The following ANKRD11 variants were observed in gnomAD, a reference collection of about 807,000 sequenced individuals.
ANKRD11 encodes ankyrin repeat domain-containing protein 11.
Under a neutral mutation model 195.7 loss-of-function variants are expected in ANKRD11, and 17 were observed. That is an observed-to-expected ratio of 0.09 (90% confidence interval 0.06 to 0.13). The LOEUF (loss-of-function observed/expected upper bound fraction) is 0.13. Ranked by LOEUF, ANKRD11 falls within the 10% of genes least tolerant of loss-of-function variation. The probability of loss-of-function intolerance (pLI) is 1.00; values close to 1 mark genes in which losing one functional copy is unlikely to be tolerated. For missense variants in ANKRD11, 3,735 were observed against 3,566.1 expected (o/e 1.05, Z -1.21); for synonymous variants, 1,953 against 1,528.1 (o/e 1.28, Z -6.49).
chr16:89,305,890 G>C (rs76289802), intron 3 of ANKRD11, among the ~76,000 whole-genome samples: 1 of 15,166 alleles, frequency 6.6e-5, no homozygotes, highest in Non-Finnish European at 1.4e-4. Context: ...CTCCCACTCC[G>C]CAGACACGTG....
intron 2 of ANKRD11, among the ~76,000 whole-genome samples, chr16:89,340,603 T>C (rs531451404): frequency 6.6e-6 from 1 of 152,366 alleles, no homozygotes; most frequent in South Asian, 2.1e-4. Context: ...CAAGAGATCT[T>C]GGTTAGACAA....
In ANKRD11 at chr16:89,473,499, C is replaced by CT. The variant is rs554065733; in HGVS notation, c.-145+16745dup. Among the ~76,000 whole-genome samples, 42 of 152,316 alleles carry CT rather than the reference C, an allele frequency of 2.8e-4. 1 individual carries two copies. The East Asian group carries it at 5.0e-3, about 18-fold the overall frequency. Reference sequence around the variant, plus strand: ...AAATGCAAGGCATAGGGCAAACAGCCTGATAGTACCAGGGCAAGCCCAAGT... The same window carrying CT: ...AAATGCAAGGCATAGGGCAAACAGCCTTGATAGTACCAGGGCAAGCCCAAGT... On this transcript the variant is annotated intron_variant, in intron 1 of 12. Coordinates refer to ENST00000301030, the MANE Select transcript of ANKRD11 (RefSeq NM_013275.6).
chr16:89,308,774 TG>T (rs2036443743), intron 3 of ANKRD11, among the ~76,000 whole-genome samples: 1 of 152,002 alleles, frequency 6.6e-6, no homozygotes, highest in African/African-American at 2.4e-5. Context: ...AGAATACAAA[TG>T]GAATACCGCA....
intron 1 of ANKRD11, among the ~76,000 whole-genome samples, chr16:89,447,038 G>A (rs1192092023): frequency 6.6e-6 from 1 of 151,980 alleles, no homozygotes; most frequent in Non-Finnish European, 1.5e-5. Context: ...CCAACTGAAT[G>A]CCTGCCATCC....
chr16:89,487,258 C>G (rs945681250), intron 1 of ANKRD11, among the ~76,000 whole-genome samples: 1 of 152,306 alleles, frequency 6.6e-6, no homozygotes, highest in East Asian at 1.9e-4. Flanking sequence ...GAGACACTCA[C>G]CCATTACACT....
At chr16:89,302,656 G>A (rs1050617515) in intron 4 of ANKRD11, among the ~76,000 whole-genome samples, 1 of 152,132 alleles carries the variant, frequency 6.6e-6, no homozygotes, top group Admixed American at 6.5e-5. Context: ...ATCTAGTTTT[G>A]CAACATTAAA....
chr16:89,382,252 G>C (rs949317311), intron 2 of ANKRD11, among the ~76,000 whole-genome samples: 1 of 152,014 alleles, frequency 6.6e-6, no homozygotes, highest in Non-Finnish European at 1.5e-5. Context: ...AAAGTTAAAA[G>C]GTGTCTAGAA....
chr16:89,489,658 C>T (rs1449935295), intron 1 of ANKRD11, among the ~76,000 whole-genome samples: 6 of 151,918 alleles, frequency 3.9e-5, no homozygotes, highest in African/African-American at 7.2e-5. Context: ...GCCCCAGCTC[C>T]GCAGAACCCG....
At chr16:89,403,836 G>C (rs867499085) in intron 2 of ANKRD11, 1 of 152,194 alleles carries the variant, frequency 6.6e-6, no homozygotes, top group African/African-American at 2.4e-5. Flanking sequence ...GGAAGGCTGA[G>C]GAAGGGGCAT....
chr16:89,272,999 G>A (rs192927625), intron 11 of ANKRD11: 3 of 150,438 alleles, frequency 2.0e-5, no homozygotes, highest in Non-Finnish European at 2.9e-5. Flanking sequence ...AGGCTGGGAA[G>A]GGTTGTGGGG....
intron 2 of ANKRD11, among the ~76,000 whole-genome samples, chr16:89,407,653 T>G (rs1346180023): frequency 2.6e-5 from 4 of 151,818 alleles, no homozygotes; most frequent in Non-Finnish European, 4.4e-5. Flanking sequence ...AGACGCCGTC[T>G]CTATCAAACA....
At chr16:89,274,167 G>C (rs762030877) in intron 11 of ANKRD11, among the ~76,000 whole-genome samples, 2 of 152,224 alleles carry the variant, frequency 1.3e-5, no homozygotes, top group Non-Finnish European at 2.9e-5. Context: ...AGCTGCCCCA[G>C]GGAGAGCCAC....
At chr16:89,441,496 G>T (rs185243443) in intron 1 of ANKRD11, among the ~76,000 whole-genome samples, 6 of 151,040 alleles carry the variant, frequency 4.0e-5, no homozygotes, top group Non-Finnish European at 5.9e-5. Context: ...GGCCGGGCGC[G>T]GTGGCTCACG....
chr16:89,471,261 A>G (rs1353357990), intron 1 of ANKRD11, among the ~76,000 whole-genome samples: 1 of 152,182 alleles, frequency 6.6e-6, no homozygotes, highest in Non-Finnish European at 1.5e-5. Flanking sequence ...CTATCTGGAA[A>G]TTCTAGCGAT....
chr16:89,486,258 AG>A (rs2057610281), intron 1 of ANKRD11, among the ~76,000 whole-genome samples: 1 of 152,078 alleles, frequency 6.6e-6, no homozygotes, highest in Admixed American at 6.6e-5. Flanking sequence ...TACACAACAC[AG>A]GAAGACCCTG....
chr16:89,301,235 G>A (rs2035836764), intron 4 of ANKRD11: 3 of 402,378 alleles, frequency 7.5e-6, no homozygotes, highest in East Asian at 7.6e-5. Context: ...GTGCTGGAAG[G>A]GTGAAGGGTG....
chr16:89,295,927 G>C (rs530167677), intron 4 of ANKRD11, among the ~76,000 whole-genome samples: 25 of 135,166 alleles, frequency 1.8e-4, no homozygotes, highest in Middle Eastern at 3.8e-3. Flanking sequence ...GTGGGATTGG[G>C]GGGGGCTGTG....
chr16:89,479,313 T>C (rs2057362370), intron 1 of ANKRD11, among the ~76,000 whole-genome samples: 2 of 151,696 alleles, frequency 1.3e-5, no homozygotes, highest in South Asian at 4.2e-4. Context: ...GTTTGCCTCC[T>C]AGATAAAACA....
At chr16:89,310,830 A>C (rs769414056) in intron 3 of ANKRD11, among the ~76,000 whole-genome samples, 1 of 152,234 alleles carries the variant, frequency 6.6e-6, no homozygotes, top group Admixed American at 6.5e-5. Flanking sequence ...TTTTGTGCAG[A>C]TGTCTTGGGC....
Sources: gnomAD v4.1 joint callset for allele counts (sites outside exome capture counted in the v4.1 genomes callset) on GRCh38, gnomAD v4.1.1 for gene constraint, MANE v1.5 for transcripts, NCBI Gene and HGNC (gene_info 2026-07-23, HGNC 2026-07-21) for gene names.